Variants in CHN2 observed in about 807,000 individuals in gnomAD.
CHN2 encodes chimerin 2.
A neutral mutation model predicts 56.3 loss-of-function variants in CHN2; 35 were observed. The ratio of observed to expected loss-of-function variants is 0.62; its 90% CI spans 0.47 to 0.82. CHN2 has a LOEUF of 0.82. CHN2 is among the 40% of genes least tolerant of loss of function. CHN2 has a pLI of 0.00. For synonymous variants in CHN2, 210 were observed against 212.8 expected, an observed-to-expected ratio of 0.99 and a Z score of 0.12; for missense variants, 491 against 580.5, an observed-to-expected ratio of 0.85 and a Z score of 1.58.
chr7:29,164,600 G>A (rs1795647969), intron 2 of CHN2, among the ~76,000 whole-genome samples: 1 of 151,714 alleles, frequency 6.6e-6, no homozygotes, highest in Admixed American at 6.6e-5. Flanking sequence ...GAGCAACATG[G>A]CAAAACCCCA....
Position 29,328,341 on chromosome 7 carries a change from T to C in CHN2, c.50-26284T>C, listed in dbSNP as rs543977882. On this transcript the variant is annotated intron_variant, in intron 1 of 12. Coordinates refer to ENST00000222792, the MANE Select transcript of CHN2 (RefSeq NM_004067.4). The stretch of plus-strand genomic sequence containing the variant: ...GTTCATTTTACTCTAGTTCAAAGTC[T>C]TTTTTTCTTTCCCCTTAGTCTCAAG... Among the ~76,000 whole-genome samples the C allele has an allele frequency of 2.6e-5, 4 of 152,318 alleles. No individual in the cohort carries two copies. In the East Asian group the frequency reaches 7.7e-4, roughly 29 times the overall value.
intron 6 of CHN2, among the ~76,000 whole-genome samples, chr7:29,437,136 T>A (rs1321488295): frequency 6.6e-6 from 1 of 152,124 alleles, no homozygotes; most frequent in Non-Finnish European, 1.5e-5. Flanking sequence ...AATTTTAAAT[T>A]TTTCAGTATT....
At chr7:29,259,023 T>TA (rs34469755) in intron 1 of CHN2, among the ~76,000 whole-genome samples, 41,627 of 142,726 alleles carry the variant, frequency 0.29, 6,442 homozygotes, top group African/African-American at 0.41. Flanking sequence ...CTATGTAGCT[T>TA]AAAAAAAAAA....
intron 1 of CHN2, among the ~76,000 whole-genome samples, chr7:29,314,095 T>G (rs1794787926): frequency 6.6e-6 from 1 of 152,212 alleles, no homozygotes; most frequent in Non-Finnish European, 1.5e-5. Context: ...CCAAGAGATA[T>G]TTGTACACCA....
At chr7:29,512,115 CAG>C (rs1328698554) in intron 12 of CHN2, among the ~76,000 whole-genome samples, 1 of 151,928 alleles carries the variant, frequency 6.6e-6, no homozygotes, top group Non-Finnish European at 1.5e-5. Context: ...GTCCTCCCAG[CAG>C]AGAGGGATCC....
At chr7:29,220,559 A>G (rs245935) in intron 1 of CHN2, among the ~76,000 whole-genome samples, 61,035 of 151,814 alleles carry the variant, frequency 0.4, 12,525 homozygotes, top group East Asian at 0.54. Flanking sequence ...AGAGAAAATC[A>G]ACAACTTTCT....
rs1783300276 is a variant in CHN2, at chr7:29,437,319, CTGGGCGCGGTGGCT to C, written c.576+36492_576+36505del. On this transcript the variant is annotated intron_variant, in intron 6 of 12. Transcript: ENST00000222792. The stretch of plus-strand genomic sequence containing the variant: ...CAGCATTTAAGATATCTAAAACCGG[CTGGGCGCGGTGGCT>C]CACGCCTGTAATCCCAGCACTTTGG... Among the ~76,000 whole-genome samples the C allele has an allele frequency of 4.7e-5, 4 of 84,690 alleles. 1 individual carries two copies. The highest frequency in any genetic ancestry group is 2.2e-4 in the African/African-American group (3 of 13,564). The allele number at this position is 84,690 out of a possible 152,430, so 55.6% of individuals were successfully genotyped here.
chr7:29,173,757 T>C (rs527619847), intron 2 of CHN2, among the ~76,000 whole-genome samples: 2 of 147,072 alleles, frequency 1.4e-5, no homozygotes, highest in East Asian at 4.0e-4. Context: ...TCCAACATGG[T>C]GAAACCCTGT....
intron 10 of CHN2, among the ~76,000 whole-genome samples, chr7:29,506,886 CTTG>C (rs1412468168): frequency 5.9e-5 from 9 of 152,184 alleles, no homozygotes; most frequent in Non-Finnish European, 1.2e-4. Context: ...TTGATGTTCT[CTTG>C]TTTCAGATTA....
chr7:29,252,588 T>TTTTGTTTTGTTTTGTTTG (rs1788691615), intron 1 of CHN2, among the ~76,000 whole-genome samples: 2 of 34,392 alleles, frequency 5.8e-5, no homozygotes, highest in Non-Finnish European at 1.0e-4. Flanking sequence ...GTTTTTTTTT[T>TTTTGTTTTGTTTTGTTTG]TTTTTTTTTT....
At chr7:29,363,259 G>T (rs1447275261) in intron 2 of CHN2, among the ~76,000 whole-genome samples, 3 of 152,236 alleles carry the variant, frequency 2.0e-5, no homozygotes, top group Non-Finnish European at 4.4e-5. Context: ...GCCGAAGCAG[G>T]TGGATCACTT....
chr7:29,424,729 C>G (rs532911746), intron 6 of CHN2, among the ~76,000 whole-genome samples: 1 of 152,274 alleles, frequency 6.6e-6, no homozygotes. Flanking sequence ...AAGTTCACAG[C>G]CTCATATGGC....
At chr7:29,464,809 G>C (rs886430729) in intron 6 of CHN2, among the ~76,000 whole-genome samples, 1 of 152,204 alleles carries the variant, frequency 6.6e-6, no homozygotes, top group Non-Finnish European at 1.5e-5. Context: ...CCAGCACCCA[G>C]TTACATGTGC....
chr7:29,244,067 A>G (rs781437019), intron 1 of CHN2, among the ~76,000 whole-genome samples: 4 of 152,130 alleles, frequency 2.6e-5, no homozygotes, highest in Non-Finnish European at 5.9e-5. Context: ...GAAACATTGA[A>G]TGGTGCTTAG....
intron 1 of CHN2, among the ~76,000 whole-genome samples, chr7:29,198,844 A>T (rs978836521): frequency 1.6e-4 from 24 of 152,250 alleles, no homozygotes; most frequent in African/African-American, 5.1e-4. Flanking sequence ...CAATAAATAA[A>T]GAAGATATGA....
intron 6 of CHN2, among the ~76,000 whole-genome samples, chr7:29,447,327 G>A (rs918579812): frequency 1.3e-5 from 2 of 152,162 alleles, no homozygotes; most frequent in African/African-American, 4.8e-5. Flanking sequence ...AAAGTACACT[G>A]CATGTGACTC....
chr7:29,213,049 T>A, intron 1 of CHN2: 2 of 1,608,312 alleles, frequency 1.2e-6, no homozygotes, highest in Non-Finnish European at 1.7e-6. Flanking sequence ...TCTGCAGTCC[T>A]GCATGCAGTT....
At chr7:29,206,113 C>T (rs1784501419) in intron 1 of CHN2, among the ~76,000 whole-genome samples, 1 of 152,182 alleles carries the variant, frequency 6.6e-6, no homozygotes, top group Non-Finnish European at 1.5e-5. Flanking sequence ...GTTTTGTTCA[C>T]TGCTGGATCT....
At chr7:29,268,411 G>A (rs1349360926) in intron 1 of CHN2, among the ~76,000 whole-genome samples, 2 of 151,782 alleles carry the variant, frequency 1.3e-5, no homozygotes. Flanking sequence ...AGTACTGTGT[G>A]CATTTTCAAC....
Sources: gnomAD v4.1 joint callset for allele counts (sites outside exome capture counted in the v4.1 genomes callset) on GRCh38, gnomAD v4.1.1 for gene constraint, MANE v1.5 for transcripts, NCBI Gene and HGNC (gene_info 2026-07-23, HGNC 2026-07-21) for gene names.